NRG1: variants seen among roughly 807,000 people sequenced by gnomAD.
NRG1 encodes pro-neuregulin-1, membrane-bound isoform.
In NRG1, 18 loss-of-function variants were observed where a neutral mutation model predicts 63.8. That is an observed-to-expected ratio of 0.28 (90% CI 0.19 to 0.42). NRG1 has a LOEUF of 0.42. Among genes scored for constraint, NRG1 ranks in the 10% least tolerant of loss-of-function variants. The probability of loss-of-function intolerance (pLI) is 1.00; values close to 1 mark genes in which losing one functional copy is unlikely to be tolerated. For synonymous variants in NRG1, 302 were observed against 301.3 expected (o/e 1.00, Z -0.02); for missense variants, 762 against 814.7 (o/e 0.94, Z 0.79).
At chr8:32,591,816 G>A (rs981532106) in intron 1 of NRG1, among the ~76,000 whole-genome samples, 2 of 152,052 alleles carry the variant, frequency 1.3e-5, no homozygotes, top group Non-Finnish European at 2.9e-5. Flanking sequence ...AGAACGTGAC[G>A]ATTGAAAAAC....
chr8:32,236,960 A>G (rs1385776880), intron 1 of NRG1, among the ~76,000 whole-genome samples: 1 of 152,118 alleles, frequency 6.6e-6, no homozygotes, highest in Non-Finnish European at 1.5e-5. Context: ...GATAACAGAG[A>G]TGTACCGCGA....
At chr8:32,382,083 A>G (rs1289386973) in intron 1 of NRG1, among the ~76,000 whole-genome samples, 1 of 152,172 alleles carries the variant, frequency 6.6e-6, no homozygotes, top group Non-Finnish European at 1.5e-5. Flanking sequence ...TTTAGAAGAT[A>G]CCATTCTAGA....
chr8:32,083,139 A>G (rs6992071), intron 1 of NRG1, among the ~76,000 whole-genome samples: 4,657 of 152,272 alleles, frequency 0.031, 253 homozygotes, highest in African/African-American at 0.11. Flanking sequence ...CAACAGCTGC[A>G]TGAAAAGGCC....
At position 32,322,818 on chromosome 8, in the gene NRG1, C is replaced by T. The variant is rs369265023; in HGVS notation, c.38-273010C>T. Reference sequence around the variant, plus strand: ...ATATATTTTCAAAGAGTGAATTTCTCTTACCTGACTGAGGCATTTTATTCT... The same window carrying T: ...ATATATTTTCAAAGAGTGAATTTCTTTTACCTGACTGAGGCATTTTATTCT... On this transcript the variant is annotated intron_variant, in intron 1 of 10. Transcript: ENST00000519301. Among the ~76,000 whole-genome samples, 29 of 151,202 alleles carry T rather than the reference C, an allele frequency of 1.9e-4. No homozygotes were observed. In the East Asian group the frequency reaches 3.5e-3, roughly 18 times the overall value.
intron 1 of NRG1, among the ~76,000 whole-genome samples, chr8:32,118,823 A>G (rs577716274): frequency 6.6e-6 from 1 of 152,096 alleles, no homozygotes; most frequent in Admixed American, 6.6e-5. Context: ...CCGTCCTTTG[A>G]AGTGTTCCTT....
chr8:32,076,966 C>G (rs1826664425), intron 1 of NRG1, among the ~76,000 whole-genome samples: 1 of 152,196 alleles, frequency 6.6e-6, no homozygotes, highest in Admixed American at 6.5e-5. Context: ...CCTAGGTCAA[C>G]TAGTAAGATT....
At chr8:32,407,794 AT>A (rs1814301478) in intron 1 of NRG1, among the ~76,000 whole-genome samples, 2 of 152,194 alleles carry the variant, frequency 1.3e-5, no homozygotes, top group Non-Finnish European at 2.9e-5. Context: ...TCATAAGGGA[AT>A]TAGAAGCACT....
chr8:32,016,169 T>G (rs1366822123), intron 1 of NRG1, among the ~76,000 whole-genome samples: 1 of 152,196 alleles, frequency 6.6e-6, no homozygotes, highest in Admixed American at 6.6e-5. Flanking sequence ...CAGGTATAAA[T>G]AAATCTCTCA....
rs1827597268 is a variant in NRG1, at chr8:31,854,280, C to G, written c.37+214849C>G. On this transcript the variant is annotated intron_variant, in intron 1 of 10. Transcript: ENST00000519301. Reference sequence around the variant, plus strand: ...GTTGGTAAGCTATTGATTACTGCCACAATTTCAGATCCTGTTATTGGTCTA... The same window carrying G: ...GTTGGTAAGCTATTGATTACTGCCAGAATTTCAGATCCTGTTATTGGTCTA... 2.6e-5 allele frequency among the ~76,000 whole-genome samples: 4 copies of G among 152,276 alleles called. No homozygotes were observed. The South Asian group carries it at 6.2e-4, about 24-fold the overall frequency.
intron 1 of NRG1, among the ~76,000 whole-genome samples, chr8:31,722,811 C>T (rs542101654): frequency 6.6e-6 from 1 of 152,060 alleles, no homozygotes; most frequent in African/African-American, 2.4e-5. Context: ...ATGCCTTTGC[C>T]ATATTACTCC....
At chr8:32,287,643 G>A (rs180918451) in intron 1 of NRG1, 7 of 152,238 alleles carry the variant, frequency 4.6e-5, no homozygotes, top group Non-Finnish European at 1.0e-4. Context: ...GCCAGTTCCT[G>A]GTTCTATGCA....
intron 1 of NRG1, among the ~76,000 whole-genome samples, chr8:32,368,783 C>A (rs756450675): frequency 1.3e-5 from 2 of 152,064 alleles, no homozygotes; most frequent in African/African-American, 2.4e-5. Context: ...CCCTCTGCCA[C>A]CTTTGTCAAA....
chr8:32,450,682 C>T (rs1232378977), intron 1 of NRG1, among the ~76,000 whole-genome samples: 1 of 152,076 alleles, frequency 6.6e-6, no homozygotes, highest in East Asian at 1.9e-4. Context: ...TTCCAAAGCG[C>T]TGAGATTATA....
At chr8:32,407,755 A>G (rs1316081768) in intron 1 of NRG1, among the ~76,000 whole-genome samples, 14 of 152,188 alleles carry the variant, frequency 9.2e-5, no homozygotes, top group Non-Finnish European at 1.5e-5. Flanking sequence ...CTTGACAACA[A>G]CTATGAAGTG....
At chr8:32,666,841 C>T (rs1804301262) in intron 5 of NRG1, among the ~76,000 whole-genome samples, 2 of 152,186 alleles carry the variant, frequency 1.3e-5, no homozygotes, top group Non-Finnish European at 2.9e-5. Context: ...TTCTGTGAAA[C>T]ATCATATAAG....
chr8:32,113,733 T>G (rs893942407), intron 1 of NRG1, among the ~76,000 whole-genome samples: 1 of 152,176 alleles, frequency 6.6e-6, no homozygotes, highest in African/African-American at 2.4e-5. Context: ...GTTTGATGGG[T>G]CAAGACCGGT....
chr8:32,198,763 T>A (rs1437144335), intron 1 of NRG1, among the ~76,000 whole-genome samples: 2 of 152,168 alleles, frequency 1.3e-5, no homozygotes, highest in Non-Finnish European at 2.9e-5. Flanking sequence ...GCTCTCTTAT[T>A]CTTAAACCTG....
chr8:32,329,229 A>G (rs888803330), intron 1 of NRG1, among the ~76,000 whole-genome samples: 1 of 152,116 alleles, frequency 6.6e-6, no homozygotes, highest in Non-Finnish European at 1.5e-5. Context: ...TCAGCCTCCC[A>G]AAGTGCTGGG....
At chr8:31,790,634 T>C (rs1329894892) in intron 1 of NRG1, among the ~76,000 whole-genome samples, 2 of 152,192 alleles carry the variant, frequency 1.3e-5, no homozygotes, top group Non-Finnish European at 2.9e-5. Context: ...AAAATGATGA[T>C]GTTTTATGAT....
Sources: gnomAD v4.1 joint callset for allele counts (sites outside exome capture counted in the v4.1 genomes callset) on GRCh38, gnomAD v4.1.1 for gene constraint, MANE v1.5 for transcripts, NCBI Gene and HGNC (gene_info 2026-07-23, HGNC 2026-07-21) for gene names.